Variants in DPF3 observed in about 807,000 individuals in gnomAD.
DPF3 encodes double PHD fingers 3, also known as zinc finger protein DPF3.
A neutral mutation model predicts 56.8 loss-of-function variants in DPF3; 18 were observed. The ratio of observed to expected loss-of-function variants is 0.32; its 90% confidence interval spans 0.22 to 0.47. DPF3 has a LOEUF of 0.47. DPF3 is among the 20% of genes least tolerant of loss of function. The pLI is 1.00. For synonymous variants in DPF3, 188 were observed against 180.2 expected (o/e 1.04, Z -0.35); for missense variants, 403 against 488.8 (o/e 0.82, Z 1.65).
intron 4 of DPF3, chr14:72,724,232 C>CT (rs530228947): frequency 0.077 from 10,728 of 140,100 alleles, 567 homozygotes; most frequent in South Asian, 0.23. Flanking sequence ...GCTTTTTTTT[C>CT]TTTTTTTTTT....
In DPF3 at chr14:72,663,166, CAA is replaced by C. The variant is rs56335418; in HGVS notation, c.871+11072_871+11073del. ...TGTAGCAGGCAGAACTGGGTGTTAGCAAAAAAAAAAAAAAAAAATTCCCCTCC... is the reference window on the plus strand; with the variant it reads ...TGTAGCAGGCAGAACTGGGTGTTAGCAAAAAAAAAAAAAAAATTCCCCTCC... On this transcript the variant is annotated intron_variant, in intron 8 of 10. Transcript: ENST00000556509. 6.4e-4 allele frequency among the ~76,000 whole-genome samples: 57 copies of C among 88,490 alleles called. 1 individual carries two copies. The highest frequency in any genetic ancestry group is 4.9e-3 in the South Asian group (9 of 1,832). The allele number at this position is 88,490 out of a possible 152,430, so 58.1% of individuals were successfully genotyped here.
chr14:72,764,633 C>T (rs750992836), intron 2 of DPF3, among the ~76,000 whole-genome samples: 4 of 151,710 alleles, frequency 2.6e-5, no homozygotes, highest in East Asian at 1.9e-4. Flanking sequence ...GGACTACAGG[C>T]GCCCACCACG....
At position 72,753,260 on chromosome 14, in the gene DPF3, T is replaced by C; in HGVS notation, c.301+4A>G. The C allele has an allele frequency of 6.2e-7, 1 of 1,613,440 alleles. No individual in the cohort carries two copies. The highest frequency in any genetic ancestry group is 1.3e-5 in the African/African-American group (1 of 75,044). On this transcript the variant is annotated splice_donor_region_variant and intron_variant, in intron 3 of 10. Coordinates refer to ENST00000556509, the MANE Select transcript of DPF3 (RefSeq NM_001280542.3). ...GACCCAGCCAAGCTCCAGAGGGCAC[T>C]GACCAGGTTTTATCTCCAGCAGCCG...
intron 7 of DPF3, among the ~76,000 whole-genome samples, chr14:72,690,212 T>C (rs936707957): frequency 2.6e-5 from 4 of 152,156 alleles, no homozygotes; most frequent in Non-Finnish European, 4.4e-5. Context: ...CAGGCACAGC[T>C]TCTTTCCCAA....
At chr14:72,777,271 A>T (rs1048230125) in intron 1 of DPF3, among the ~76,000 whole-genome samples, 2 of 152,206 alleles carry the variant, frequency 1.3e-5, no homozygotes, top group Non-Finnish European at 2.9e-5. Context: ...TGCTATTTGC[A>T]TTTAAACATG....
chr14:72,872,712 A>G (rs889449839), intron 1 of DPF3, among the ~76,000 whole-genome samples: 3 of 152,204 alleles, frequency 2.0e-5, no homozygotes, highest in Non-Finnish European at 2.9e-5. Flanking sequence ...TGGTACTGGT[A>G]CCAAAACAGA....
intron 9 of DPF3, among the ~76,000 whole-genome samples, chr14:72,620,913 C>T (rs1442628824): frequency 2.0e-5 from 3 of 152,146 alleles, no homozygotes; most frequent in South Asian, 2.1e-4. Context: ...GGCCAAGGCG[C>T]GTGGTTCACT....
chr14:72,789,427 A>C (rs1389574002), intron 1 of DPF3, among the ~76,000 whole-genome samples: 1 of 152,196 alleles, frequency 6.6e-6, no homozygotes, highest in Non-Finnish European at 1.5e-5. Context: ...TAACCACTCC[A>C]CACCACGCTG....
intron 1 of DPF3, among the ~76,000 whole-genome samples, chr14:72,823,273 A>G (rs1400385389): frequency 2.6e-5 from 4 of 152,214 alleles, no homozygotes; most frequent in Non-Finnish European, 4.4e-5. Flanking sequence ...AGCTGCCAAC[A>G]TGGAATCTAG....
At chr14:72,742,918 A>G (rs1463865028) in intron 3 of DPF3, among the ~76,000 whole-genome samples, 1 of 151,882 alleles carries the variant, frequency 6.6e-6, no homozygotes, top group Non-Finnish European at 1.5e-5. Flanking sequence ...CTCCGCCTGG[A>G]CCACCCCTTT....
chr14:72,633,559 CAAG>C (rs1466941408), intron 8 of DPF3, among the ~76,000 whole-genome samples: 1 of 152,070 alleles, frequency 6.6e-6, no homozygotes, highest in Admixed American at 6.5e-5. Context: ...GAAGAGGTTT[CAAG>C]AAGGAGAAGG....
chr14:72,818,792 T>C (rs1368655470), intron 1 of DPF3, among the ~76,000 whole-genome samples: 1 of 152,234 alleles, frequency 6.6e-6, no homozygotes, highest in Non-Finnish European at 1.5e-5. Flanking sequence ...TGGCATCTTT[T>C]ATGTTACGTA....
chr14:72,824,551 C>CTTTTTTTT (rs375498304), intron 1 of DPF3, among the ~76,000 whole-genome samples: 29 of 143,198 alleles, frequency 2.0e-4, no homozygotes, highest in Non-Finnish European at 3.0e-4. Flanking sequence ...TTTTCTTTTT[C>CTTTTTTTT]TTTTTTTTTT....
chr14:72,632,681 G>C (rs1218164852), intron 8 of DPF3, among the ~76,000 whole-genome samples: 2 of 129,550 alleles, frequency 1.5e-5, no homozygotes, highest in Non-Finnish European at 3.3e-5. Flanking sequence ...GAAGGAAGGA[G>C]AAGGGAAGAG....
Position 72,617,189 on chromosome 14 carries a change from G to C in DPF3, c.*2108C>G, listed in dbSNP as rs753865598. Among the ~76,000 whole-genome samples the C allele has an allele frequency of 6.6e-6, 1 of 152,228 alleles. No homozygotes were observed. The highest frequency in any genetic ancestry group is 1.5e-5 in the Non-Finnish European group (1 of 68,050). On this transcript the variant is annotated 3_prime_UTR_variant, in exon 11 of 11. Transcript: ENST00000556509. ...TGGAAAACAAATTTGCACATACTCT[G>C]AAGAGGACGTGTGAAGTTGTAGAGC...
intron 8 of DPF3, chr14:72,661,093 T>G: frequency 1.0e-6 from 1 of 985,474 alleles, no homozygotes; most frequent in Non-Finnish European, 1.2e-6. Flanking sequence ...TACACACACT[T>G]GGTACAAACC....
intron 8 of DPF3, among the ~76,000 whole-genome samples, chr14:72,665,882 T>G (rs1478397643): frequency 6.6e-6 from 1 of 151,888 alleles, no homozygotes; most frequent in African/African-American, 2.4e-5. Flanking sequence ...TGTAAGTTTT[T>G]TGTAAGTGTA....
At chr14:72,660,943 A>G (rs982287898) in intron 8 of DPF3, 13 of 500,974 alleles carry the variant, frequency 2.6e-5, no homozygotes, top group Non-Finnish European at 7.7e-6. Context: ...TTGGCATGGA[A>G]GTGGGAAGAA....
At chr14:72,841,014 C>A (rs1157640303) in intron 1 of DPF3, among the ~76,000 whole-genome samples, 1 of 152,212 alleles carries the variant, frequency 6.6e-6, no homozygotes. Context: ...GTCAATTCTG[C>A]AGGTCTTCAT....
Sources: gnomAD v4.1 joint callset for allele counts (sites outside exome capture counted in the v4.1 genomes callset) on GRCh38, gnomAD v4.1.1 for gene constraint, MANE v1.5 for transcripts, NCBI Gene and HGNC (gene_info 2026-07-23, HGNC 2026-07-21) for gene names.